The following CHSY1 variants were observed in gnomAD, a reference collection of about 807,000 sequenced individuals.
CHSY1 encodes N-acetylgalactosaminyl-proteoglycan 3-beta-glucuronosyltransferase 1.
In CHSY1, 13 loss-of-function variants were observed where a neutral mutation model predicts 59.8. The ratio of observed to expected loss-of-function variants is 0.22; its 90% CI spans 0.14 to 0.35. The LOEUF is 0.35. Among genes scored for constraint, CHSY1 ranks in the 10% least tolerant of loss-of-function variants. The pLI is 1.00. For missense variants in CHSY1, 947 were observed against 1,030.6 expected (o/e 0.92, Z 1.11); for synonymous variants, 459 against 401.2 (o/e 1.14, Z -1.72).
chr15:101,236,544 G>A (rs553449138), intron 1 of CHSY1, among the ~76,000 whole-genome samples: 167 of 152,288 alleles, frequency 1.1e-3, no homozygotes, highest in Non-Finnish European at 2.1e-3. Context: ...TTTCTGGGCC[G>A]GGCATGGTGG....
At chr15:101,184,648 C>A (rs2038329973) in intron 2 of CHSY1, among the ~76,000 whole-genome samples, 1 of 151,928 alleles carries the variant, frequency 6.6e-6, no homozygotes, top group African/African-American at 2.4e-5. Flanking sequence ...CCCAGCCCGG[C>A]CATTTTCTTT....
rs1352547555 is a variant in CHSY1, at chr15:101,178,553, A to G, written c.1244T>C (p.Met415Thr). Residue 415 changes from methionine (M) to threonine (T), a missense_variant, in exon 3 of 3, where the codon ATG (methionine) becomes ACG (threonine). Met to Thr is a moderately conservative substitution (Grantham distance 81). Coordinates refer to ENST00000254190, the MANE Select transcript of CHSY1 (RefSeq NM_014918.5). The part of the protein sequence containing the change: ...LDDIVMQVME[M>T]INANAKTRGR... Reference sequence around the variant, plus strand: ...TCTGGTCTTGGCGTTGGCATTGATCATCTCCATGACCTGCATGACAATGTC... The same window carrying G: ...TCTGGTCTTGGCGTTGGCATTGATCGTCTCCATGACCTGCATGACAATGTC... 1.9e-6 allele frequency: 3 copies of G among 1,614,118 alleles called. No individual in the cohort carries two copies. In the African/African-American group the frequency reaches 4.0e-5, roughly 22 times the overall value.
At chr15:101,233,427 T>C (rs148687656) in intron 2 of CHSY1, among the ~76,000 whole-genome samples, 5 of 152,224 alleles carry the variant, frequency 3.3e-5, no homozygotes, top group Non-Finnish European at 7.3e-5. Context: ...CAGGGGAAAG[T>C]GTTCCAAAAT....
chr15:101,241,282 G>T (rs1433619008), intron 1 of CHSY1, among the ~76,000 whole-genome samples: 1 of 152,168 alleles, frequency 6.6e-6, no homozygotes, highest in Non-Finnish European at 1.5e-5. Context: ...GTTGAGACAG[G>T]GTTTCACCAT....
intron 1 of CHSY1, among the ~76,000 whole-genome samples, chr15:101,248,516 C>A (rs979495416): frequency 1.3e-5 from 2 of 152,206 alleles, no homozygotes; most frequent in South Asian, 4.1e-4. Flanking sequence ...ATTAGCTGGA[C>A]ACTATCTCCT....
chr15:101,190,307 T>C (rs998214006), intron 2 of CHSY1, among the ~76,000 whole-genome samples: 4 of 152,332 alleles, frequency 2.6e-5, no homozygotes, highest in South Asian at 2.1e-4. Context: ...TTAAATTCCA[T>C]AGTGTCAAAT....
intron 2 of CHSY1, among the ~76,000 whole-genome samples, chr15:101,197,157 C>G (rs2038517199): frequency 6.6e-6 from 1 of 152,170 alleles, no homozygotes; most frequent in African/African-American, 2.4e-5. Context: ...GAGGCTGAGG[C>G]AGGAGGATCA....
chr15:101,220,919 C>T (rs1403891189), intron 2 of CHSY1, among the ~76,000 whole-genome samples: 1 of 152,180 alleles, frequency 6.6e-6, no homozygotes, highest in African/African-American at 2.4e-5. Flanking sequence ...CAGCCCCGTC[C>T]CTCCATCAGT....
At chr15:101,206,904 TAA>T (rs1048272575) in intron 2 of CHSY1, among the ~76,000 whole-genome samples, 1 of 152,264 alleles carries the variant, frequency 6.6e-6, no homozygotes, top group East Asian at 1.9e-4. Flanking sequence ...GTTTATCTCA[TAA>T]AAAAAGTCTC....
At chr15:101,205,721 G>A (rs2038617497) in intron 2 of CHSY1, among the ~76,000 whole-genome samples, 1 of 152,210 alleles carries the variant, frequency 6.6e-6, no homozygotes, top group Non-Finnish European at 1.5e-5. Context: ...GGAGGCTGAG[G>A]TGGGTGGATC....
At chr15:101,233,307 A>T (rs1250788578) in intron 2 of CHSY1, among the ~76,000 whole-genome samples, 3 of 152,208 alleles carry the variant, frequency 2.0e-5, no homozygotes. Context: ...TCTGTCCAGC[A>T]GTATATAACA....
chr15:101,224,254 T>C (rs2038817400), intron 2 of CHSY1, among the ~76,000 whole-genome samples: 1 of 152,214 alleles, frequency 6.6e-6, no homozygotes, highest in Non-Finnish European at 1.5e-5. Context: ...ATACAACTCA[T>C]TGCCAGTAAC....
At chr15:101,206,592 A>G (rs1271128361) in intron 2 of CHSY1, among the ~76,000 whole-genome samples, 2 of 152,172 alleles carry the variant, frequency 1.3e-5, no homozygotes, top group African/African-American at 4.8e-5. Flanking sequence ...ATAAACGAAC[A>G]CTCATTAAAT....
intron 1 of CHSY1, among the ~76,000 whole-genome samples, chr15:101,239,074 A>G (rs1302432306): frequency 1.3e-5 from 2 of 152,236 alleles, no homozygotes; most frequent in Non-Finnish European, 2.9e-5. Flanking sequence ...CCCCCATTCA[A>G]GTCGAGGAGC....
Position 101,178,197 on chromosome 15 carries a change from T to A in CHSY1, c.1600A>T (p.Ile534Leu), listed in dbSNP as rs141305214. ...SEHKEPKDKK[I>L]NILIPLSGRF... ...CCAGACAAAGGAATCAGTATGTTTA[T>A]CTTTTTATCTTTGGGTTCTTTGTGC... Residue 534 changes from isoleucine (I) to leucine (L), a missense_variant, in exon 3 of 3, where the codon ATA becomes TTA. By Grantham distance (5) the Ile-to-Leu change is conservative. Coordinates refer to ENST00000254190, the MANE Select transcript of CHSY1 (RefSeq NM_014918.5). The A allele has an allele frequency of 2.4e-4, 382 of 1,614,092 alleles. No individual in the cohort carries two copies. Among genetic ancestry groups the A allele is most frequent in the Non-Finnish European group, 3.0e-4 (350 of 1,180,044 alleles).
At chr15:101,198,140 G>A (rs2038529077) in intron 2 of CHSY1, among the ~76,000 whole-genome samples, 1 of 151,998 alleles carries the variant, frequency 6.6e-6, no homozygotes. Flanking sequence ...TGAGAGACCC[G>A]CTCCCCTTTT....
At chr15:101,249,703 C>T (rs1210222844) in intron 1 of CHSY1, among the ~76,000 whole-genome samples, 1 of 151,942 alleles carries the variant, frequency 6.6e-6, no homozygotes, top group Non-Finnish European at 1.5e-5. Context: ...TGAGTAGAGA[C>T]GGGGTTTCAC....
Position 101,219,403 on chromosome 15 carries a change from G to A in CHSY1, c.816+15679C>T, listed in dbSNP as rs147695624. On this transcript the variant is annotated intron_variant, in intron 2 of 2. Transcript: ENST00000254190. ...GGCTGAGGCCCTGGTAGATTTCTAT[G>A]CAGTTGGTAAAGGTATAAAGCAGCT... Among the ~76,000 whole-genome samples the A allele has an allele frequency of 4.1e-4, 63 of 152,334 alleles. No individual in the cohort carries two copies. In the East Asian group the frequency reaches 0.011, roughly 27 times the overall value.
Position 101,185,566 on chromosome 15 carries a change from G to A in CHSY1, c.817-6586C>T, listed in dbSNP as rs1031795314. Among the ~76,000 whole-genome samples, 8 of 151,630 alleles carry A rather than the reference G, an allele frequency of 5.3e-5. No homozygotes were observed. The East Asian group carries it at 5.8e-4, about 11-fold the overall frequency. ...GGAGCACCCTCCATCCCCCTTCCCCGCCTTCCCAGGTAGCCCTCCCATGTG... is the reference window on the plus strand; with the variant it reads ...GGAGCACCCTCCATCCCCCTTCCCCACCTTCCCAGGTAGCCCTCCCATGTG... On this transcript the variant is annotated intron_variant, in intron 2 of 2. Transcript: ENST00000254190.
Sources: allele counts gnomAD v4.1 joint callset (sites outside exome capture counted in the v4.1 genomes callset), GRCh38; gene constraint gnomAD v4.1.1; transcripts MANE v1.5; gene names NCBI Gene and HGNC (gene_info 2026-07-23, HGNC 2026-07-21).